Variants in PIP4K2C observed in about 807,000 individuals in gnomAD.
PIP4K2C encodes phosphatidylinositol 5-phosphate 4-kinase type-2 gamma.
A neutral mutation model predicts 45.0 loss-of-function variants in PIP4K2C; 21 were observed. The observed-to-expected ratio is 0.47, with a 90% CI of 0.33 to 0.67. The LOEUF (loss-of-function observed/expected upper bound fraction) is 0.67, where lower values mean the gene tolerates loss of function less well. Among genes scored for constraint, PIP4K2C ranks in the 30% least tolerant of loss-of-function variants. The pLI, the probability that PIP4K2C is intolerant of heterozygous loss-of-function variation, is 0.02. For missense variants in PIP4K2C, 456 were observed against 542.8 expected (o/e 0.84, Z 1.59); for synonymous variants, 201 against 204.8 (o/e 0.98, Z 0.16).
In PIP4K2C at chr12:57,593,675, GTTTTTTTTTTTTTTTTT is replaced by G. The variant is rs56900742; in HGVS notation, c.175-334_175-318del. Among the ~76,000 whole-genome samples the G allele has an allele frequency of 3.1e-4, 20 of 64,048 alleles. No homozygotes were observed. The East Asian group carries it at 6.5e-3, about 21-fold the overall frequency. The allele number at this position is 64,048 out of a possible 152,430, so 42.0% of individuals were successfully genotyped here. ...CATGTAGCTGCCTTGAGCTTGCAGA[GTTTTTTTTTTTTTTTTT>G]TTTTTTTTTTTTTTTCTAGAATTTC... On this transcript the variant is annotated intron_variant, in intron 1 of 9. Coordinates refer to ENST00000354947, the MANE Select transcript of PIP4K2C (RefSeq NM_024779.5).
intron 7 of PIP4K2C, 89 bp downstream of exon 7, chr12:57,600,526 C>T (rs1883383044): frequency 1.1e-6 from 1 of 917,184 alleles, no homozygotes; most frequent in East Asian, 2.5e-5. Flanking sequence ...GAGGGAGCTC[C>T]TCCCCTTCCC....
At chr12:57,592,223 C>T (rs1882994508) in intron 1 of PIP4K2C, among the ~76,000 whole-genome samples, 1 of 152,188 alleles carries the variant, frequency 6.6e-6, no homozygotes. Flanking sequence ...CAGGAAACTG[C>T]TCTGGGAGTC....
rs745633571 is a variant in PIP4K2C at position 57,594,060 on chromosome 12, G to A, written c.210G>A (p.Met70Ile). The A allele has an allele frequency of 6.2e-7, 1 of 1,613,892 alleles. No individual in the cohort carries two copies. The highest frequency in any genetic ancestry group is 8.5e-7 in the Non-Finnish European group (1 of 1,180,004). Residue 70 changes from methionine (M) to isoleucine (I), a missense_variant, in exon 2 of 10, where the codon ATG becomes ATA. By Grantham distance (10) the Met-to-Ile change is conservative (BLOSUM62 1). Transcript: ENST00000354947. ...NELSQVPPPVMLLPDDFKASS... is the reference protein window; with the variant it reads ...NELSQVPPPVILLPDDFKASS... ...TCAGCCAGGTGCCTCCCCCGGTGAT[G>A]CTGCTGCCAGATGACTTTAAGGCCA...
intron 4 of PIP4K2C, 151 bp from the exon 5 acceptor site, chr12:57,598,913 GT>G (rs1327703963): frequency 5.3e-6 from 4 of 748,288 alleles, no homozygotes; most frequent in South Asian, 2.0e-5. Flanking sequence ...AACCTGGAGT[GT>G]TTTGGGGAAG....
chr12:57,600,679 T>A, intron 7 of PIP4K2C, 132 bp from the exon 8 acceptor site: 1 of 1,138,888 alleles, frequency 8.8e-7, no homozygotes, highest in Non-Finnish European at 1.3e-6. Flanking sequence ...AAGGCAGTGG[T>A]ATGCCCTGCA....
rs1352950461 is a variant in PIP4K2C, at chr12:57,591,300, C to T, written c.11C>T (p.Ser4Phe). The T allele has an allele frequency of 2.5e-6, 4 of 1,611,488 alleles. No homozygotes were observed. In the Admixed American group the frequency reaches 5.0e-5, roughly 20 times the overall value. The change falls in exon 1 of 10, where the codon TCC (serine) becomes TTC (phenylalanine). Residue 4 changes from serine to phenylalanine, a missense_variant. Ser to Phe is a radical substitution (Grantham distance 155). Around this residue, in one of 2 missense-constraint regions of PIP4K2C, gnomAD observed 421 missense variants for 473.1 expected, o/e 0.89. Transcript: ENST00000354947. Reference sequence around the variant, plus strand: ...GTTGCGCGGGAGACTATGGCGTCCTCCTCGGTCCCACCAGCCACGGTATCG... The same window carrying T: ...GTTGCGCGGGAGACTATGGCGTCCTTCTCGGTCCCACCAGCCACGGTATCG... MAS[S>F]SVPPATVSAA...
At position 57,601,805 on chromosome 12, in the gene PIP4K2C, C is replaced by T; in HGVS notation, c.*199C>T. On this transcript the variant is annotated 3_prime_UTR_variant, in exon 10 of 10. Transcript: ENST00000354947. Reference sequence around the variant, plus strand: ...ATACATTGTCCTTTTTCCTCTTTGCCCATTTTTCTTCCCTCTCTTCCTCCC... The same window carrying T: ...ATACATTGTCCTTTTTCCTCTTTGCTCATTTTTCTTCCCTCTCTTCCTCCC... 2 of 589,244 alleles carry T rather than the reference C, an allele frequency of 3.4e-6. No individual in the cohort carries two copies. The highest frequency in any genetic ancestry group is 2.1e-5 in the South Asian group (1 of 48,224). The allele number at this position is 589,244 out of a possible 1,614,324, so 36.5% of individuals were successfully genotyped here. A position where few individuals can be genotyped will look rare whatever the true frequency, so the allele number is the denominator to read the frequency against.
At position 57,591,226 on chromosome 12, in the gene PIP4K2C, C is replaced by T. The variant is rs1006068151; in HGVS notation, c.-64C>T. ...ACAGCAGCGCAGGTGAGCGCCGCTT[C>T]CGGGGTCGGGCGCCTGGATAGCTGC... On this transcript the variant is annotated 5_prime_UTR_variant, in exon 1 of 10. Transcript: ENST00000354947. 1.8e-5 allele frequency: 28 copies of T among 1,522,408 alleles called. No individual in the cohort carries two copies. Among genetic ancestry groups the T allele is most frequent in the Non-Finnish European group, 2.5e-5 (28 of 1,125,270 alleles). The allele number at this position is 1,522,408 out of a possible 1,614,324, so 94.3% of individuals were successfully genotyped here.
rs746690687 is a variant in PIP4K2C, at chr12:57,601,367, C to T, written c.1185+19C>T. The stretch of plus-strand genomic sequence containing the variant: ...GCATGGGGTGAGAGTTCGCAAAAGC[C>T]TTTCCTTTCCTGTCTTGACTATTCT... On this transcript the variant is annotated intron_variant, in intron 9 of 9. Transcript: ENST00000354947. 1.4e-5 allele frequency: 22 copies of T among 1,590,988 alleles called. No homozygotes were observed. Among genetic ancestry groups the T allele is most frequent in the East Asian group, 2.2e-5 (1 of 44,702 alleles).
intron 2 of PIP4K2C, among the ~76,000 whole-genome samples, chr12:57,594,813 A>G (rs1883118049): frequency 6.6e-6 from 1 of 152,126 alleles, no homozygotes; most frequent in East Asian, 1.9e-4. Flanking sequence ...TACTAAAAAT[A>G]CAAAAAATTA....
intron 4 of PIP4K2C, among the ~76,000 whole-genome samples, chr12:57,597,227 C>T (rs1000692519): frequency 1.3e-5 from 2 of 152,110 alleles, no homozygotes; most frequent in African/African-American, 4.8e-5. Flanking sequence ...GGAGGGAACA[C>T]TGGAAGGGTG....
chr12:57,595,271 A>G, intron 3 of PIP4K2C, 49 bp downstream of exon 3: 1 of 1,173,710 alleles, frequency 8.5e-7, no homozygotes, highest in Non-Finnish European at 1.3e-6. Flanking sequence ...CCAGCAACTG[A>G]GGAGTACTAT....
rs1349687058 is a variant in PIP4K2C at position 57,602,419 on chromosome 12, C to T, written c.*813C>T. 6.6e-6 allele frequency: 1 copy of T among 152,248 alleles called. No individual in the cohort carries two copies. Among genetic ancestry groups the T allele is most frequent in the African/African-American group, 2.4e-5 (1 of 41,442 alleles). The allele number at this position is 152,248 out of a possible 1,614,324, so 9.4% of individuals were successfully genotyped here. ...CTCTTCACCAGAACCTCACACCTCT[C>T]CTGGGACTGGAACCCTTCAGTGGGT... On this transcript the variant is annotated 3_prime_UTR_variant, in exon 10 of 10. Transcript: ENST00000354947.
Position 57,602,914 on chromosome 12 carries a change from C to G in PIP4K2C, c.*1308C>G, listed in dbSNP as rs1204607022. On this transcript the variant is annotated 3_prime_UTR_variant, in exon 10 of 10. Transcript: ENST00000354947. ...CTACAATGCCTCTGGGGCCAAGGCA[C>G]CCATTCTTCTTGCTATCCTCCATCC... 2.6e-5 allele frequency: 4 copies of G among 152,454 alleles called. No homozygotes were observed. The highest frequency in any genetic ancestry group is 5.9e-5 in the Non-Finnish European group (4 of 68,046). 9.4% of individuals were successfully genotyped at this position (152,454 alleles called of 1,614,324 possible).
At chr12:57,595,502 C>T (rs546181413) in intron 3 of PIP4K2C, among the ~76,000 whole-genome samples, 206 of 152,136 alleles carry the variant, frequency 1.4e-3, no homozygotes, top group African/African-American at 4.7e-3. Context: ...GTCAGGAGTT[C>T]GAGACCATCC....
chr12:57,591,709 T>C (rs1882968606), intron 1 of PIP4K2C, among the ~76,000 whole-genome samples: 1 of 152,224 alleles, frequency 6.6e-6, no homozygotes, highest in Non-Finnish European at 1.5e-5. Context: ...TCCAGCTCCC[T>C]GTGCTTTGAC....
chr12:57,595,077 T>C, intron 2 of PIP4K2C, 49 bp from the exon 3 acceptor site: 1 of 1,190,382 alleles, frequency 8.4e-7, no homozygotes, highest in Non-Finnish European at 1.3e-6. Context: ...ACCAAGTGTA[T>C]GTAAATGTAA....
intron 4 of PIP4K2C, among the ~76,000 whole-genome samples, chr12:57,597,610 G>A (rs542534586): frequency 6.6e-6 from 1 of 152,286 alleles, no homozygotes; most frequent in East Asian, 1.9e-4. Flanking sequence ...CTATAGATAC[G>A]ATTATTGTAG....
At chr12:57,591,509 G>A (rs763075307) in intron 1 of PIP4K2C, 46 bp downstream of exon 1, 3 of 1,500,276 alleles carry the variant, frequency 2.0e-6, no homozygotes, top group East Asian at 2.5e-5. Flanking sequence ...AAACCCCTCG[G>A]CTCCGAGGCG....
Sources: gnomAD v4.1 joint callset for allele counts (sites outside exome capture counted in the v4.1 genomes callset) on GRCh38, gnomAD v4.1.1 for gene constraint, gnomAD v4.1.1 regional missense constraint, MANE v1.5 for transcripts, NCBI Gene and HGNC (gene_info 2026-07-23, HGNC 2026-07-21) for gene names.